CFAP44: variants seen among roughly 807,000 people sequenced by gnomAD.
CFAP44 encodes the protein cilia and flagella associated protein 44, also known as cilia- and flagella-associated protein 44.
Under a neutral mutation model 216.2 loss-of-function variants are expected in CFAP44, and 134 were observed. That is an observed-to-expected ratio of 0.62 (90% CI 0.54 to 0.72). The LOEUF (loss-of-function observed/expected upper bound fraction) is 0.72. Ranked by LOEUF, CFAP44 falls within the 30% of genes least tolerant of loss-of-function variation. CFAP44 has a pLI of 0.00. For synonymous variants in CFAP44, 700 were observed against 727.6 expected (o/e 0.96, Z 0.61); for missense variants, 2,035 against 2,182.1 (o/e 0.93, Z 1.34).
chr3:113,401,942 A>G (rs1023997961), intron 9 of CFAP44, among the ~76,000 whole-genome samples: 4 of 152,196 alleles, frequency 2.6e-5, no homozygotes, highest in Admixed American at 1.3e-4. Context: ...AAGCTATTAT[A>G]GTTTCCTTTA....
At chr3:113,427,117 A>C in intron 3 of CFAP44, 70 bp downstream of exon 3, 1 of 1,493,746 alleles carries the variant, frequency 6.7e-7, no homozygotes, top group South Asian at 1.2e-5. Context: ...TGGATTTATA[A>C]CTCTTCCATT....
rs1934653925 is a variant in CFAP44, at chr3:113,416,586, C to A, written c.612G>T (p.Gly204=). The A allele has an allele frequency of 8.7e-6, 14 of 1,612,426 alleles. No homozygotes were observed. The highest frequency in any genetic ancestry group is 1.1e-5 in the Non-Finnish European group (13 of 1,179,094). The change falls in exon 6 of 35, where the codon GGG becomes GGT. Residue 204 remains glycine (G), a synonymous_variant. Coordinates refer to ENST00000393845, the MANE Select transcript of CFAP44 (RefSeq NM_001164496.2). The part of the protein sequence containing the change: ...HKTYFTVAEK[G]SFPDIIIYEY... ...CATAGATGATAATATCTGGAAAACTCCCTTTTTCAGCTACTGTGAAATAAG... is the reference window on the plus strand; with the variant it reads ...CATAGATGATAATATCTGGAAAACTACCTTTTTCAGCTACTGTGAAATAAG...
chr3:113,389,365 G>A (rs975305293), intron 15 of CFAP44, among the ~76,000 whole-genome samples: 3 of 151,950 alleles, frequency 2.0e-5, no homozygotes, highest in East Asian at 1.9e-4. Context: ...TATGGTATAC[G>A]GTGAAAGCAG....
At chr3:113,333,822 G>C (rs925181106) in intron 24 of CFAP44, among the ~76,000 whole-genome samples, 5 of 152,052 alleles carry the variant, frequency 3.3e-5, no homozygotes, top group Non-Finnish European at 7.3e-5. Flanking sequence ...AGATTGTACT[G>C]AAATAATCTG....
chr3:113,378,353 G>A lies in CFAP44; in HGVS notation c.2298+953C>T, dbSNP rs565191547. Among the ~76,000 whole-genome samples the A allele has an allele frequency of 4.6e-5, 7 of 152,246 alleles. No individual in the cohort carries two copies. The South Asian group carries it at 1.5e-3, about 32-fold the overall frequency. ...AAAACACAGACGACAGGCAGAAAGGGTAGAGGAACTAATAAAGGATGTCCT... is the reference window on the plus strand; with the variant it reads ...AAAACACAGACGACAGGCAGAAAGGATAGAGGAACTAATAAAGGATGTCCT... On this transcript the variant is annotated intron_variant, in intron 17 of 34. Transcript: ENST00000393845.
intron 1 of CFAP44, among the ~76,000 whole-genome samples, chr3:113,436,738 C>T (rs1935249160): frequency 6.6e-6 from 1 of 152,220 alleles, no homozygotes; most frequent in Non-Finnish European, 1.5e-5. Flanking sequence ...CAAAATCAAA[C>T]TGATATTCTA....
At chr3:113,341,279 T>C (rs531850913) in intron 24 of CFAP44, among the ~76,000 whole-genome samples, 7 of 152,146 alleles carry the variant, frequency 4.6e-5, no homozygotes, top group Admixed American at 2.6e-4. Flanking sequence ...AGCACTTCCC[T>C]TCCTCCCTTC....
At chr3:113,440,519 CT>C (rs1935337129) in intron 1 of CFAP44, among the ~76,000 whole-genome samples, 1 of 152,120 alleles carries the variant, frequency 6.6e-6, no homozygotes, top group Non-Finnish European at 1.5e-5. Flanking sequence ...GTGATTAAGC[CT>C]TTTGAATTCC....
chr3:113,373,460 G>T lies in CFAP44; in HGVS notation c.2395C>A (p.Arg799Ser). The stretch of plus-strand genomic sequence containing the variant: ...TTGTCCTCTGTATCCGCAAGATAAC[G>T]GACATCAATAGGTTCATCTTTTTGT... ...KEQKDEPIDVRYLADTEDNPI... is the reference protein window; with the variant it reads ...KEQKDEPIDVSYLADTEDNPI... The change falls in exon 18 of 35, where the codon CGT becomes AGT. Residue 799 changes from arginine to serine, a missense_variant. Transcript: ENST00000393845. The T allele has an allele frequency of 6.2e-7, 1 of 1,607,746 alleles. No homozygotes were observed. Among genetic ancestry groups the T allele is most frequent in the Non-Finnish European group, 8.5e-7 (1 of 1,176,640 alleles).
rs748784041 is a variant in CFAP44, at chr3:113,373,510, C to T, written c.2345G>A (p.Cys782Tyr). 1.9e-6 allele frequency: 3 copies of T among 1,605,082 alleles called. No individual in the cohort carries two copies. Among genetic ancestry groups the T allele is most frequent in the Non-Finnish European group, 2.6e-6 (3 of 1,175,190 alleles). The stretch of plus-strand genomic sequence containing the variant: ...TTCTTTGAAATCACTGCTTTCATCA[C>T]AAGGGGGGAACTCACAGTGATATAG... The part of the protein sequence containing the change: ...GFLYHCEFPP[C>Y]DESSDFKEQK... Residue 782 changes from cysteine (C) to tyrosine (Y), a missense_variant, in exon 18 of 35, where the codon TGT becomes TAT. Cys to Tyr is a radical substitution (Grantham distance 194, BLOSUM62 -2). Coordinates refer to ENST00000393845, the MANE Select transcript of CFAP44 (RefSeq NM_001164496.2).
chr3:113,293,815 G>T, intron 34 of CFAP44: 3 of 264,552 alleles, frequency 1.1e-5, no homozygotes, highest in Non-Finnish European at 2.3e-5. Flanking sequence ...TCTTACTTTG[G>T]GACTTTTGTT....
chr3:113,349,630 G>A (rs1033072637), intron 22 of CFAP44, among the ~76,000 whole-genome samples: 1 of 152,222 alleles, frequency 6.6e-6, no homozygotes, highest in Non-Finnish European at 1.5e-5. Context: ...ACTGGAAGGT[G>A]CACTGCCGCA....
intron 6 of CFAP44, among the ~76,000 whole-genome samples, chr3:113,412,537 CA>C (rs199623142): frequency 0.013 from 2,002 of 152,218 alleles, 80 homozygotes; most frequent in East Asian, 0.075. Context: ...CCCCACCCCC[CA>C]ACAGGCCCTG....
Position 113,409,171 on chromosome 3 carries a change from A to C in CFAP44, c.825T>G (p.Val275=), listed in dbSNP as rs752283035. ...TATCAGGATTGAAAGTAACCTTAAA[A>C]ACTTCCTGAGAAAAAGCTTTTGTCC... ...ILRTKAFSQE[V]FKVTFNPDKE... is the part of the protein sequence containing the mutation. Residue 275 remains valine (V), a synonymous_variant, in exon 7 of 35, where the codon GTT becomes GTG. Coordinates refer to ENST00000393845, the MANE Select transcript of CFAP44 (RefSeq NM_001164496.2). The C allele has an allele frequency of 6.2e-6, 10 of 1,613,968 alleles. No individual in the cohort carries two copies. Among genetic ancestry groups the C allele is most frequent in the Non-Finnish European group, 6.8e-6 (8 of 1,180,032 alleles).
intron 19 of CFAP44, 51 bp downstream of exon 19, chr3:113,365,988 C>T (rs1950583196): frequency 1.3e-6 from 2 of 1,527,384 alleles, no homozygotes; most frequent in Middle Eastern, 1.8e-4. Flanking sequence ...TTTAATATCA[C>T]TATTTTTAAA....
rs1223224669 is a variant in CFAP44 at position 113,326,556 on chromosome 3, CAT to C, written c.4403_4404del (p.Tyr1468CysfsTer12). Reference protein sequence around the residue: ...TKLQEQEKALYAGFQAAIGEN... With the variant: ...TKLQEQEKALXAGFQAAIGEN... ...TCTCCAATGGCTGCTTGAAAACCAGCATAGAGTGCCTTTTCTTGCTCCTGGAG... is the reference window on the plus strand; with the variant it reads ...TCTCCAATGGCTGCTTGAAAACCAGCAGAGTGCCTTTTCTTGCTCCTGGAG... On this transcript the variant is annotated frameshift_variant, in exon 28 of 35. Coordinates refer to ENST00000393845, the MANE Select transcript of CFAP44 (RefSeq NM_001164496.2). LOFTEE classifies it high-confidence loss of function. 6.5e-7 allele frequency: 1 copy of C among 1,532,304 alleles called. No homozygotes were observed. The highest frequency in any genetic ancestry group is 2.5e-5 in the East Asian group (1 of 40,716). The allele number at this position is 1,532,304 out of a possible 1,614,324, so 94.9% of individuals were successfully genotyped here.
At chr3:113,362,961 G>A in intron 21 of CFAP44, 184 bp downstream of exon 21, 1 of 1,339,426 alleles carries the variant, frequency 7.5e-7, no homozygotes, top group African/African-American at 1.5e-5. Flanking sequence ...AATCTTAACT[G>A]ATTAAAAGGG....
intron 7 of CFAP44, 24 bp from the exon 8 acceptor site, chr3:113,407,065 T>C (rs769453173): frequency 1.6e-5 from 25 of 1,530,604 alleles, no homozygotes; most frequent in Non-Finnish European, 2.1e-5. Flanking sequence ...AGAGACTGAA[T>C]GTACCTCAAA....
At position 113,326,658 on chromosome 3, in the gene CFAP44, A is replaced by G; in HGVS notation, c.4321-18T>C. On this transcript the variant is annotated intron_variant, in intron 27 of 34. Coordinates refer to ENST00000393845, the MANE Select transcript of CFAP44 (RefSeq NM_001164496.2). ...ATTTTCCACTAAATGAATAAAAACA[A>G]GGACAAATGATAAATATTTCTGATA... is the stretch of plus-strand genomic sequence containing the variant. 1 of 1,413,838 alleles carries G rather than the reference A, an allele frequency of 7.1e-7. No individual in the cohort carries two copies. Among genetic ancestry groups the G allele is most frequent in the Non-Finnish European group, 9.4e-7 (1 of 1,066,578 alleles). 87.6% of individuals were successfully genotyped at this position (1,413,838 alleles called of 1,614,324 possible). A position where few individuals can be genotyped will look rare whatever the true frequency, so the allele number is the denominator to read the frequency against.
Sources: gnomAD v4.1 joint callset for allele counts (sites outside exome capture counted in the v4.1 genomes callset) on GRCh38, gnomAD v4.1.1 for gene constraint, MANE v1.5 for transcripts, NCBI Gene and HGNC (gene_info 2026-07-23, HGNC 2026-07-21) for gene names.